Variants in FTO observed in about 807,000 individuals in gnomAD.
FTO encodes the protein FTO alpha-ketoglutarate dependent dioxygenase.
A neutral mutation model predicts 63.9 loss-of-function variants in FTO; 47 were observed. That is an observed-to-expected ratio of 0.74 (90% CI 0.58 to 0.94). The LOEUF (loss-of-function observed/expected upper bound fraction) is 0.94, where lower values mean the gene tolerates loss of function less well. Ranked by LOEUF, FTO falls within the 40% of genes least tolerant of loss-of-function variation. The pLI is 0.00. For synonymous variants in FTO, 207 were observed against 224.4 expected, an observed-to-expected ratio of 0.92 and a Z score of 0.69; for missense variants, 562 against 618.1, an observed-to-expected ratio of 0.91 and a Z score of 0.96.
Position 53,774,623 on chromosome 16 carries a change from A to C in FTO, c.46-35517A>C, listed in dbSNP as rs544943053. On this transcript the variant is annotated intron_variant, in intron 1 of 8. Coordinates refer to ENST00000471389, the MANE Select transcript of FTO (RefSeq NM_001080432.3). ...AAACCCTTTATATATGTCTGGATTT[A>C]GTTGTAGGAAACAGAAACTATGTGA... Among the ~76,000 whole-genome samples the C allele has an allele frequency of 6.6e-4, 100 of 152,308 alleles. 1 individual carries two copies. Among genetic ancestry groups the C allele is most frequent in the African/African-American group, 2.4e-3 (98 of 41,576 alleles).
chr16:53,866,994 T>C (rs1245784868), intron 4 of FTO, among the ~76,000 whole-genome samples: 1 of 152,172 alleles, frequency 6.6e-6, no homozygotes, highest in Non-Finnish European at 1.5e-5. Context: ...AGCAGAATGC[T>C]ATATTAATGC....
intron 8 of FTO, among the ~76,000 whole-genome samples, chr16:53,955,773 T>C (rs954161949): frequency 4.6e-5 from 7 of 152,210 alleles, no homozygotes; most frequent in African/African-American, 1.7e-4. Context: ...AAGTACATCA[T>C]GAGCTCTTTG....
chr16:53,948,784 A>G (rs183390926), intron 8 of FTO, among the ~76,000 whole-genome samples: 60 of 152,372 alleles, frequency 3.9e-4, no homozygotes, highest in African/African-American at 8.9e-4. Context: ...GGATTCTGCT[A>G]TAGAATGAAA....
At chr16:53,802,689 C>T (rs936268246) in intron 1 of FTO, among the ~76,000 whole-genome samples, 6 of 152,168 alleles carry the variant, frequency 3.9e-5, no homozygotes, top group Admixed American at 2.0e-4. Flanking sequence ...TATTAATCTG[C>T]TTAAAATCAT....
chr16:53,986,455 G>A (rs890610004), intron 8 of FTO, among the ~76,000 whole-genome samples: 1 of 152,148 alleles, frequency 6.6e-6, no homozygotes, highest in African/African-American at 2.4e-5. Flanking sequence ...CCCAAACTCT[G>A]GATCCTTCTG....
At chr16:53,930,354 G>C (rs1037659640) in intron 7 of FTO, among the ~76,000 whole-genome samples, 1 of 149,040 alleles carries the variant, frequency 6.7e-6, no homozygotes, top group Non-Finnish European at 1.5e-5. Context: ...CTCCTGAGTA[G>C]CTGGGACTAC....
intron 8 of FTO, among the ~76,000 whole-genome samples, chr16:54,099,776 G>A (rs1567571334): frequency 6.6e-6 from 1 of 152,214 alleles, no homozygotes; most frequent in Non-Finnish European, 1.5e-5. Flanking sequence ...AGTCCCTGAA[G>A]TAGGGGGAGG....
intron 8 of FTO, chr16:53,991,013 A>G (rs1289537471): frequency 6.6e-6 from 1 of 152,096 alleles, no homozygotes. Flanking sequence ...CTTCCTATAA[A>G]TCAGACAGTC....
intron 7 of FTO, among the ~76,000 whole-genome samples, chr16:53,907,563 T>C (rs980630858): frequency 3.3e-5 from 5 of 152,112 alleles, no homozygotes; most frequent in African/African-American, 1.2e-4. Context: ...AGTTGAAAAA[T>C]TGTAAGTCAG....
intron 7 of FTO, among the ~76,000 whole-genome samples, chr16:53,929,422 G>A (rs1010511688): frequency 3.3e-5 from 5 of 152,160 alleles, no homozygotes; most frequent in South Asian, 2.1e-4. Context: ...ATGTACCACC[G>A]TGTATTTATC....
At chr16:53,817,628 A>T (rs1467874256) in intron 2 of FTO, among the ~76,000 whole-genome samples, 3 of 152,072 alleles carry the variant, frequency 2.0e-5, no homozygotes, top group African/African-American at 4.8e-5. Flanking sequence ...CATTTAAGTG[A>T]GCCTCTGGTA....
intron 4 of FTO, among the ~76,000 whole-genome samples, chr16:53,853,455 TC>T (rs1033186626): frequency 1.6e-4 from 23 of 142,184 alleles, no homozygotes; most frequent in African/African-American, 5.9e-4. Context: ...GTTTTTTTTT[TC>T]ATCCATCACC....
At chr16:53,992,423 A>G (rs1460146602) in intron 8 of FTO, 2 of 151,934 alleles carry the variant, frequency 1.3e-5, no homozygotes, top group Non-Finnish European at 2.9e-5. Context: ...CTTTTCAGAG[A>G]TCATGTTTCC....
chr16:53,884,777 C>T (rs952886608), intron 6 of FTO, among the ~76,000 whole-genome samples: 2 of 152,190 alleles, frequency 1.3e-5, no homozygotes, highest in Non-Finnish European at 1.5e-5. Context: ...ATTTCTTTCT[C>T]CTCTTCTAGG....
chr16:53,844,193 G>A lies in FTO; in HGVS notation c.790G>A (p.Gly264Ser). 1 of 1,613,846 alleles carries A rather than the reference G, an allele frequency of 6.2e-7. No individual in the cohort carries two copies. Among genetic ancestry groups the A allele is most frequent in the African/African-American group, 1.3e-5 (1 of 75,026 alleles). The stretch of plus-strand genomic sequence containing the variant: ...AAGTGAGGATGACTCTCATCTCGAA[G>A]GCAGGGATCCTGATATTTGGCATGT... ...EESEDDSHLE[G>S]RDPDIWHVGF... The change falls in exon 4 of 9, where the codon GGC (glycine) becomes AGC (serine). Residue 264 changes from glycine to serine, a missense_variant. By Grantham distance (56) the Gly-to-Ser change is moderately conservative. Coordinates refer to ENST00000471389, the MANE Select transcript of FTO (RefSeq NM_001080432.3).
At chr16:53,837,630 A>G (rs1286432502) in intron 3 of FTO, among the ~76,000 whole-genome samples, 1 of 152,196 alleles carries the variant, frequency 6.6e-6, no homozygotes, top group East Asian at 1.9e-4. Flanking sequence ...CAACCCGTCA[A>G]GGAAAGCATT....
chr16:54,018,409 G>GATAGATAGATAGATACATACATAC, intron 8 of FTO, among the ~76,000 whole-genome samples: 1 of 142,144 alleles, frequency 7.0e-6, no homozygotes, highest in Non-Finnish European at 1.5e-5. Flanking sequence ...TAGATAGATA[G>GATAGATAGATAGATACATACATAC]ATACATACAT....
chr16:53,806,154 A>G (rs547025612), intron 1 of FTO, among the ~76,000 whole-genome samples: 1 of 152,280 alleles, frequency 6.6e-6, no homozygotes, highest in African/African-American at 2.4e-5. Flanking sequence ...TCTCCTCTTT[A>G]GTGTGCTAGT....
chr16:53,815,633 C>CTTTTTTTT (rs2078653863), intron 2 of FTO, among the ~76,000 whole-genome samples: 3 of 80,144 alleles, frequency 3.7e-5, no homozygotes, highest in African/African-American at 1.9e-4. Flanking sequence ...CATTGACTTT[C>CTTTTTTTT]TTGTTTTTTT....
Sources: gnomAD v4.1 joint callset for allele counts (sites outside exome capture counted in the v4.1 genomes callset) on GRCh38, gnomAD v4.1.1 for gene constraint, MANE v1.5 for transcripts, NCBI Gene and HGNC (gene_info 2026-07-23, HGNC 2026-07-21) for gene names.